Variants in SNX8 observed in about 807,000 individuals in gnomAD.
SNX8 encodes the protein sorting nexin-8.
In SNX8, 25 loss-of-function variants were observed where a neutral mutation model predicts 51.6. The ratio of observed to expected loss-of-function variants is 0.48; its 90% CI spans 0.35 to 0.68. The LOEUF (loss-of-function observed/expected upper bound fraction) is 0.68, where lower values mean the gene tolerates loss of function less well. Among genes scored for constraint, SNX8 ranks in the 30% least tolerant of loss-of-function variants. SNX8 has a pLI of 0.00. For synonymous variants in SNX8, 324 were observed against 277.0 expected (o/e 1.17, Z -1.68); for missense variants, 695 against 624.0 (o/e 1.11, Z -1.21).
chr7:2,270,180 G>A (rs1167899550), intron 4 of SNX8, among the ~76,000 whole-genome samples: 1 of 152,016 alleles, frequency 6.6e-6, no homozygotes, highest in Non-Finnish European at 1.5e-5. Context: ...GGCCTCCTGG[G>A]CAAAGCCGTG....
At chr7:2,269,708 TCACTGTGGAGCGGGAGGTC>T in intron 4 of SNX8, 69 bp from the exon 5 acceptor site, 1 of 1,045,694 alleles carries the variant, frequency 9.6e-7, no homozygotes. Flanking sequence ...GGGGTATGGG[TCACTGTGGAGCGGGAGGTC>T]GTCTTTCCTC....
chr7:2,278,623 A>G (rs959423620), intron 1 of SNX8, among the ~76,000 whole-genome samples: 1 of 77,620 alleles, frequency 1.3e-5, no homozygotes, highest in South Asian at 4.3e-4. Context: ...CGCCGGACTC[A>G]CTCACACTAC....
intron 1 of SNX8, among the ~76,000 whole-genome samples, chr7:2,303,023 C>G (rs568633606): frequency 0.012 from 1,805 of 151,734 alleles, 36 homozygotes; most frequent in African/African-American, 0.042. Flanking sequence ...GGGTCAGCCC[C>G]CGCCAGGCCA....
intron 7 of SNX8, among the ~76,000 whole-genome samples, chr7:2,258,654 G>C (rs989343774): frequency 6.6e-6 from 1 of 152,166 alleles, no homozygotes; most frequent in Non-Finnish European, 1.5e-5. Flanking sequence ...GGGGGCGCAG[G>C]GTAGGTAGGA....
intron 7 of SNX8, among the ~76,000 whole-genome samples, chr7:2,259,318 C>A (rs1232092792): frequency 1.3e-5 from 2 of 152,232 alleles, no homozygotes; most frequent in African/African-American, 4.8e-5. Flanking sequence ...TGAAGGGCTC[C>A]GGTCCCCACA....
chr7:2,323,378 G>C (rs1408038532), intron 1 of SNX8, among the ~76,000 whole-genome samples: 1 of 150,378 alleles, frequency 6.6e-6, no homozygotes, highest in African/African-American at 2.4e-5. Flanking sequence ...AACTAATAAT[G>C]GGTAATGCAT....
At chr7:2,304,056 A>G (rs1250253790) in intron 1 of SNX8, among the ~76,000 whole-genome samples, 2 of 150,670 alleles carry the variant, frequency 1.3e-5, no homozygotes, top group African/African-American at 4.9e-5. Flanking sequence ...AGTCCCAGCT[A>G]CTCGGGAGGC....
chr7:2,327,822 C>T (rs1393877994), intron 1 of SNX8, among the ~76,000 whole-genome samples: 21 of 152,068 alleles, frequency 1.4e-4, no homozygotes, highest in East Asian at 3.9e-4. Flanking sequence ...GATTGACAGG[C>T]GTGAGCCACC....
intron 1 of SNX8, among the ~76,000 whole-genome samples, chr7:2,296,874 G>A (rs955812141): frequency 1.3e-5 from 2 of 152,022 alleles, no homozygotes; most frequent in East Asian, 3.9e-4. Context: ...AGGTTGCAGT[G>A]AGCTGAGATC....
Position 2,257,797 on chromosome 7 carries a change from G to C in SNX8, c.922C>G (p.Gln308Glu), listed in dbSNP as rs1216176385. ...LADKAAQQGKQEENDVVEKLN... is the reference protein window; with the variant it reads ...LADKAAQQGKEEENDVVEKLN... Reference sequence around the variant, plus strand: ...TTCTCCACCACGTCGTTCTCTTCCTGCTTACCCTGGAAGGCGAGGGGGAGC... The same window carrying C: ...TTCTCCACCACGTCGTTCTCTTCCTCCTTACCCTGGAAGGCGAGGGGGAGC... Residue 308 changes from glutamine (Q) to glutamate (E), a missense_variant, in exon 8 of 11, where the codon CAG becomes GAG. By Grantham distance (29) the Gln-to-Glu change is conservative (BLOSUM62 2). Coordinates refer to ENST00000222990, the MANE Select transcript of SNX8 (RefSeq NM_013321.4). The C allele has an allele frequency of 2.5e-6, 4 of 1,613,912 alleles. No homozygotes were observed. The highest frequency in any genetic ancestry group is 2.7e-5 in the African/African-American group (2 of 75,042).
intron 1 of SNX8, among the ~76,000 whole-genome samples, chr7:2,313,773 A>G (rs1435027093): frequency 1.3e-5 from 2 of 152,188 alleles, no homozygotes; most frequent in Non-Finnish European, 2.9e-5. Context: ...AAGGCGGAGG[A>G]TCACTTGAAA....
At chr7:2,279,722 T>G (rs914261003) in intron 1 of SNX8, among the ~76,000 whole-genome samples, 1 of 144,086 alleles carries the variant, frequency 6.9e-6, no homozygotes, top group Non-Finnish European at 1.5e-5. Flanking sequence ...CACTGCATTC[T>G]AGCCTAGGCA....
At chr7:2,268,412 C>A (rs1174271796) in intron 5 of SNX8, among the ~76,000 whole-genome samples, 2 of 139,878 alleles carry the variant, frequency 1.4e-5, no homozygotes. Context: ...AAGTGAGGAG[C>A]GTCTCCGCCC....
intron 1 of SNX8, among the ~76,000 whole-genome samples, chr7:2,328,192 C>T (rs1778661747): frequency 1.3e-5 from 2 of 152,160 alleles, no homozygotes; most frequent in Admixed American, 1.3e-4. Flanking sequence ...GCTGGGACTA[C>T]AGGCACGTGT....
chr7:2,314,519 C>G, upstream of SNX8: 1 of 1,096,880 alleles, frequency 9.1e-7, no homozygotes, highest in Non-Finnish European at 1.1e-6. Flanking sequence ...CCTGGTCACG[C>G]CCCCTCCCCC....
chr7:2,283,957 G>A (rs188619937), intron 1 of SNX8, among the ~76,000 whole-genome samples: 1 of 152,244 alleles, frequency 6.6e-6, no homozygotes, highest in Non-Finnish European at 1.5e-5. Context: ...CACCATACCT[G>A]GCTAATTTTG....
chr7:2,277,862 T>C (rs945487591), intron 2 of SNX8, among the ~76,000 whole-genome samples: 19 of 150,166 alleles, frequency 1.3e-4, no homozygotes, highest in African/African-American at 4.6e-4. Flanking sequence ...GAGGACAAAC[T>C]GGACCAGGGG....
intron 1 of SNX8, among the ~76,000 whole-genome samples, chr7:2,303,724 G>C (rs957586624): frequency 6.6e-6 from 1 of 152,102 alleles, no homozygotes; most frequent in African/African-American, 2.4e-5. Context: ...GGCGGTGCAA[G>C]ATATGCTTTG....
chr7:2,324,884 C>A (rs1330114229), intron 1 of SNX8, among the ~76,000 whole-genome samples: 4 of 152,222 alleles, frequency 2.6e-5, no homozygotes, highest in Non-Finnish European at 4.4e-5. Context: ...TGGCTCACTG[C>A]AGCCTCCGTC....
Sources: gnomAD v4.1 joint callset for allele counts (sites outside exome capture counted in the v4.1 genomes callset) on GRCh38, gnomAD v4.1.1 for gene constraint, MANE v1.5 for transcripts, NCBI Gene and HGNC (gene_info 2026-07-23, HGNC 2026-07-21) for gene names.